The following NTN4 variants were observed in gnomAD, a reference collection of about 807,000 sequenced individuals.
NTN4 encodes the protein netrin 4.
Under a neutral mutation model 73.6 loss-of-function variants are expected in NTN4, and 32 were observed. The observed-to-expected ratio is 0.44, with a 90% CI of 0.33 to 0.58. NTN4 has a LOEUF of 0.58. NTN4 is among the 20% of genes least tolerant of loss of function. The probability of loss-of-function intolerance (pLI) is 0.04; values close to 1 mark genes in which losing one functional copy is unlikely to be tolerated. For synonymous variants in NTN4, 258 were observed against 287.5 expected, an observed-to-expected ratio of 0.90 and a Z score of 1.04; for missense variants, 654 against 798.3, an observed-to-expected ratio of 0.82 and a Z score of 2.18.
At chr12:95,737,649 GT>G (rs2078788065) in intron 3 of NTN4, among the ~76,000 whole-genome samples, 1 of 152,154 alleles carries the variant, frequency 6.6e-6, no homozygotes, top group African/African-American at 2.4e-5. Flanking sequence ...TGGCATGGGT[GT>G]TTTCCAAGGA....
chr12:95,741,325 TTATTA>T (rs1453755062), intron 2 of NTN4, among the ~76,000 whole-genome samples: 2 of 146,028 alleles, frequency 1.4e-5, no homozygotes, highest in Admixed American at 6.9e-5. Flanking sequence ...AATTATATAT[TTATTA>T]TATATTAAAT....
intron 2 of NTN4, among the ~76,000 whole-genome samples, chr12:95,752,991 G>T (rs2078921527): frequency 6.6e-6 from 1 of 152,058 alleles, no homozygotes; most frequent in Non-Finnish European, 1.5e-5. Context: ...AATGACCATT[G>T]TTCCTGGTCC....
At chr12:95,715,971 C>A (rs558571661) in intron 3 of NTN4, among the ~76,000 whole-genome samples, 1 of 151,450 alleles carries the variant, frequency 6.6e-6, no homozygotes. Context: ...AAAAATCTTC[C>A]GAGGCTGAAG....
At chr12:95,741,467 ATATATATC>A (rs2078825924) in intron 2 of NTN4, among the ~76,000 whole-genome samples, 1 of 108,682 alleles carries the variant, frequency 9.2e-6, no homozygotes, top group Non-Finnish European at 2.0e-5. Flanking sequence ...ATATATATAT[ATATATATC>A]TCCTCCATGC....
At chr12:95,740,844 C>T (rs557367332) in intron 2 of NTN4, among the ~76,000 whole-genome samples, 50 of 152,226 alleles carry the variant, frequency 3.3e-4, no homozygotes, top group South Asian at 2.7e-3. Context: ...AAGAATGGTT[C>T]CCCAGACCAA....
chr12:95,711,203 T>C (rs2078562914), intron 4 of NTN4, among the ~76,000 whole-genome samples: 1 of 152,134 alleles, frequency 6.6e-6, no homozygotes, highest in Non-Finnish European at 1.5e-5. Flanking sequence ...AGTTTTTCAT[T>C]ATAGGCTGTT....
intron 2 of NTN4, among the ~76,000 whole-genome samples, chr12:95,743,375 TC>T (rs1391870276): frequency 6.6e-6 from 1 of 152,214 alleles, no homozygotes; most frequent in Non-Finnish European, 1.5e-5. Flanking sequence ...TTTACTAGTT[TC>T]TTAAAGGGAA....
At chr12:95,662,450 C>T (rs151176856) in intron 9 of NTN4, among the ~76,000 whole-genome samples, 4 of 152,036 alleles carry the variant, frequency 2.6e-5, no homozygotes, top group Admixed American at 2.6e-4. Context: ...AGGCTGCCCT[C>T]GAACTCCTAG....
chr12:95,712,858 G>A (rs2078575438), intron 4 of NTN4, among the ~76,000 whole-genome samples: 1 of 128,488 alleles, frequency 7.8e-6, no homozygotes, highest in Non-Finnish European at 1.6e-5. Context: ...GGCTGGTCTT[G>A]AACTCCTGGT....
chr12:95,728,391 T>C (rs2078711146), intron 3 of NTN4, among the ~76,000 whole-genome samples: 1 of 152,182 alleles, frequency 6.6e-6, no homozygotes, highest in African/African-American at 2.4e-5. Flanking sequence ...GTATTTGGTT[T>C]TTCACCATTA....
intron 2 of NTN4, among the ~76,000 whole-genome samples, chr12:95,749,491 C>G (rs1026722807): frequency 2.0e-5 from 3 of 152,128 alleles, no homozygotes; most frequent in Non-Finnish European, 4.4e-5. Context: ...ACCACTTTCT[C>G]CTTTCCACTC....
At chr12:95,752,521 T>G (rs1316418952) in intron 2 of NTN4, among the ~76,000 whole-genome samples, 3 of 152,044 alleles carry the variant, frequency 2.0e-5, no homozygotes, top group Non-Finnish European at 2.9e-5. Flanking sequence ...TAGGCTCTAC[T>G]GCCACAAAGC....
chr12:95,668,259 T>C (rs1001315322), intron 8 of NTN4, among the ~76,000 whole-genome samples: 3 of 152,172 alleles, frequency 2.0e-5, no homozygotes, highest in African/African-American at 7.2e-5. Flanking sequence ...TTAAGAGCGT[T>C]CAAATTCTTC....
chr12:95,723,814 T>C (rs2078669385), intron 3 of NTN4, among the ~76,000 whole-genome samples: 1 of 152,138 alleles, frequency 6.6e-6, no homozygotes. Context: ...GCCTGGCCTA[T>C]TTCAGCATTC....
intron 5 of NTN4, among the ~76,000 whole-genome samples, chr12:95,688,878 A>T (rs1438434275): frequency 1.3e-5 from 2 of 151,746 alleles, no homozygotes. Flanking sequence ...TAGGCCAGCA[A>T]CACCATCAAT....
intron 3 of NTN4, among the ~76,000 whole-genome samples, chr12:95,727,346 T>A (rs1206734097): frequency 2.0e-5 from 3 of 152,242 alleles, no homozygotes; most frequent in South Asian, 2.1e-4. Flanking sequence ...TTCAAATATA[T>A]GATTTGAAAG....
At chr12:95,767,323 A>G (rs946788284) in intron 2 of NTN4, among the ~76,000 whole-genome samples, 12 of 152,236 alleles carry the variant, frequency 7.9e-5, no homozygotes, top group Non-Finnish European at 1.6e-4. Flanking sequence ...TAAAGACAGG[A>G]ATATACTATA....
At chr12:95,697,744 G>A (rs995303751) in intron 5 of NTN4, among the ~76,000 whole-genome samples, 3 of 151,010 alleles carry the variant, frequency 2.0e-5, no homozygotes, top group Admixed American at 6.6e-5. Context: ...ACTGGGTCAC[G>A]GTGTGTAATA....
chr12:95,669,481 C>T (rs1027327113), intron 8 of NTN4, among the ~76,000 whole-genome samples: 6 of 152,090 alleles, frequency 3.9e-5, no homozygotes, highest in Non-Finnish European at 5.9e-5. Flanking sequence ...TACCATTTAC[C>T]GAGCATCAAA....
Sources: gnomAD v4.1 joint callset for allele counts (sites outside exome capture counted in the v4.1 genomes callset) on GRCh38, gnomAD v4.1.1 for gene constraint, MANE v1.5 for transcripts, NCBI Gene and HGNC (gene_info 2026-07-23, HGNC 2026-07-21) for gene names.